KCNH1: variants seen among roughly 807,000 people sequenced by gnomAD.
KCNH1 encodes the protein potassium voltage-gated channel subfamily H member 1.
Under a neutral mutation model 69.2 loss-of-function variants are expected in KCNH1, and 27 were observed. That is an observed-to-expected ratio of 0.39 (90% CI 0.29 to 0.54). The LOEUF is 0.54. Among genes scored for constraint, KCNH1 ranks in the 20% least tolerant of loss-of-function variants. The pLI is 0.68. For synonymous variants in KCNH1, 456 were observed against 487.7 expected, an observed-to-expected ratio of 0.93 and a Z score of 0.86; for missense variants, 798 against 1,261.6, an observed-to-expected ratio of 0.63 and a Z score of 5.57.
Position 210,752,365 on chromosome 1 carries a change from T to G in KCNH1, c.2112+22983A>C, listed in dbSNP as rs144260717. Among the ~76,000 whole-genome samples the G allele has an allele frequency of 3.3e-3, 495 of 152,278 alleles. 3 individuals are homozygous for G. The highest frequency in any genetic ancestry group is 0.011 in the African/African-American group (473 of 41,542). On this transcript the variant is annotated intron_variant, in intron 10 of 10. Coordinates refer to ENST00000271751, the MANE Select transcript of KCNH1 (RefSeq NM_172362.3). The stretch of plus-strand genomic sequence containing the variant: ...GAAGCTCTAATGTCTAACACAAATC[T>G]CTTTCCTGAGATCCTGATGTCCGCT...
intron 6 of KCNH1, among the ~76,000 whole-genome samples, chr1:210,920,370 T>G (rs1419231294): frequency 6.6e-6 from 1 of 152,212 alleles, no homozygotes; most frequent in Non-Finnish European, 1.5e-5. Context: ...CATTACTTAC[T>G]TTAAAAAATT....
At chr1:211,060,457 A>C (rs985115686) in intron 5 of KCNH1, among the ~76,000 whole-genome samples, 7 of 150,578 alleles carry the variant, frequency 4.6e-5, no homozygotes, top group Admixed American at 3.3e-4. Context: ...ACCAAGCCTA[A>C]AATCAGTAGA....
At chr1:210,971,562 T>G (rs1688512672) in intron 6 of KCNH1, among the ~76,000 whole-genome samples, 1 of 152,188 alleles carries the variant, frequency 6.6e-6, no homozygotes, top group African/African-American at 2.4e-5. Context: ...TTCAAGATTA[T>G]TCTATCTATG....
chr1:210,699,822 G>A (rs1681731030), intron 10 of KCNH1, among the ~76,000 whole-genome samples: 1 of 152,176 alleles, frequency 6.6e-6, no homozygotes, highest in Admixed American at 6.5e-5. Context: ...TTTTATGAAT[G>A]TGGACGCTGA....
At chr1:210,963,700 A>C (rs1688342527) in intron 6 of KCNH1, among the ~76,000 whole-genome samples, 1 of 152,116 alleles carries the variant, frequency 6.6e-6, no homozygotes, top group East Asian at 1.9e-4. Context: ...CAGAGATTGA[A>C]GATCAACTTA....
At chr1:210,880,123 T>C (rs1268118314) in intron 7 of KCNH1, among the ~76,000 whole-genome samples, 1 of 152,158 alleles carries the variant, frequency 6.6e-6, no homozygotes, top group Non-Finnish European at 1.5e-5. Context: ...TCCATGTTCA[T>C]GGTTAGGAAG....
intron 5 of KCNH1, among the ~76,000 whole-genome samples, chr1:211,061,940 TG>T (rs1690439697): frequency 6.6e-6 from 1 of 152,192 alleles, no homozygotes. Flanking sequence ...ACTAATGGCA[TG>T]CTTCACAGAA....
chr1:210,910,206 G>A (rs1203521233), intron 7 of KCNH1, among the ~76,000 whole-genome samples: 1 of 145,502 alleles, frequency 6.9e-6, no homozygotes, highest in Non-Finnish European at 1.5e-5. Context: ...CATCAAATTG[G>A]CCTTACTGAA....
At chr1:210,878,936 T>A (rs1686437831) in intron 7 of KCNH1, among the ~76,000 whole-genome samples, 1 of 151,832 alleles carries the variant, frequency 6.6e-6, no homozygotes, top group South Asian at 2.1e-4. Flanking sequence ...ATATCAGAAA[T>A]GAAGGTGAGT....
chr1:210,734,722 C>T (rs760515072), intron 10 of KCNH1, among the ~76,000 whole-genome samples: 10 of 151,946 alleles, frequency 6.6e-5, no homozygotes, highest in Non-Finnish European at 1.0e-4. Flanking sequence ...GAGCTGTAGG[C>T]CCCTGATTCT....
At chr1:210,777,512 A>G (rs987558178) in intron 9 of KCNH1, among the ~76,000 whole-genome samples, 4 of 152,144 alleles carry the variant, frequency 2.6e-5, no homozygotes, top group Non-Finnish European at 5.9e-5. Context: ...GGGTCAGTAG[A>G]GGGAAATGTT....
At chr1:210,800,645 G>A (rs1269775536) in intron 8 of KCNH1, among the ~76,000 whole-genome samples, 1 of 152,128 alleles carries the variant, frequency 6.6e-6, no homozygotes, top group Non-Finnish European at 1.5e-5. Flanking sequence ...GGTGGGTGGG[G>A]TGTCTGGAAC....
chr1:211,079,302 A>T (rs1240753278), intron 5 of KCNH1, among the ~76,000 whole-genome samples: 1 of 152,154 alleles, frequency 6.6e-6, no homozygotes, highest in Non-Finnish European at 1.5e-5. Flanking sequence ...CAATAACAGG[A>T]TCTGAAATTG....
intron 10 of KCNH1, among the ~76,000 whole-genome samples, chr1:210,768,384 G>C (rs1050610548): frequency 3.3e-5 from 5 of 152,138 alleles, no homozygotes; most frequent in African/African-American, 1.2e-4. Context: ...TCTGACTGCA[G>C]GATCCACATT....
chr1:211,014,174 C>T (rs1689450880), intron 6 of KCNH1, among the ~76,000 whole-genome samples: 1 of 152,184 alleles, frequency 6.6e-6, no homozygotes, highest in Non-Finnish European at 1.5e-5. Flanking sequence ...CATTTCCACA[C>T]TTCAATAGCA....
chr1:210,952,523 AACAT>A (rs941248795), intron 6 of KCNH1, among the ~76,000 whole-genome samples: 7 of 152,164 alleles, frequency 4.6e-5, no homozygotes, highest in Non-Finnish European at 1.0e-4. Flanking sequence ...GCAACAGGAG[AACAT>A]ACAGAGCTCT....
At chr1:210,862,057 T>C in intron 7 of KCNH1, 1 of 802,384 alleles carries the variant, frequency 1.2e-6, no homozygotes, top group Non-Finnish European at 2.3e-6. Context: ...AGGGGATATA[T>C]ACTTTTGTGC....
intron 7 of KCNH1, among the ~76,000 whole-genome samples, chr1:210,888,292 C>T (rs571549574): frequency 6.6e-6 from 1 of 152,174 alleles, no homozygotes; most frequent in African/African-American, 2.4e-5. Context: ...ACTGAACAAC[C>T]TGCTCCTGAA....
intron 7 of KCNH1, among the ~76,000 whole-genome samples, chr1:210,875,539 A>C (rs1216275121): frequency 6.6e-6 from 1 of 152,244 alleles, no homozygotes; most frequent in Non-Finnish European, 1.5e-5. Context: ...GCAGTGGCTC[A>C]TGCCTGTAAT....
Sources: gnomAD v4.1 joint callset for allele counts (sites outside exome capture counted in the v4.1 genomes callset) on GRCh38, gnomAD v4.1.1 for gene constraint, MANE v1.5 for transcripts, NCBI Gene and HGNC (gene_info 2026-07-23, HGNC 2026-07-21) for gene names.